FKBP2: variants seen among roughly 807,000 people sequenced by gnomAD.
The protein encoded by FKBP2 is FKBP prolyl isomerase 2, also known as peptidyl-prolyl cis-trans isomerase FKBP2.
FKBP2 carries 15 observed loss-of-function variants against 19.4 expected under a neutral mutation model. That is an observed-to-expected ratio of 0.77 (90% confidence interval 0.52 to 1.19). The LOEUF (loss-of-function observed/expected upper bound fraction) is 1.19. Ranked by LOEUF, FKBP2 falls within the 50% of genes most tolerant of loss-of-function variation. FKBP2 has a pLI of 0.00. For missense variants in FKBP2, 170 were observed against 179.0 expected (o/e 0.95, Z 0.29); for synonymous variants, 76 against 74.8 (o/e 1.02, Z -0.08).
chr11:64,242,284 A>G (rs1482034379), intron 1 of FKBP2, 100 bp from the exon 2 acceptor site: 23 of 1,197,214 alleles, frequency 1.9e-5, no homozygotes, highest in Non-Finnish European at 2.5e-5. Flanking sequence ...GGGGCAAGGA[A>G]GATACAGTGG....
chr11:64,241,602 G>T, intron 1 of FKBP2: 1 of 152,780 alleles, frequency 6.5e-6, no homozygotes, highest in Non-Finnish European at 1.5e-5. Flanking sequence ...GCAGGCCCGG[G>T]GGCGGTACCG....
At position 64,243,842 on chromosome 11, in the gene FKBP2, G is replaced by GA; in HGVS notation, c.333_334insA (p.Tyr112IlefsTer30). On this transcript the variant is annotated frameshift_variant and splice_region_variant, in exon 5 of 6. Transcript: ENST00000309366. LOFTEE classifies it high-confidence loss of function. ...TGTTTCTTTGTGCATCTTCAACAGG[G>GA]TATGGAGAGCGGGGAGCTCCCCCAA... 4 of 1,614,142 alleles carry GA rather than the reference G, an allele frequency of 2.5e-6. No homozygotes were observed. The highest frequency in any genetic ancestry group is 3.4e-6 in the Non-Finnish European group (4 of 1,180,002).
At chr11:64,242,678 T>C in intron 2 of FKBP2, 120 bp downstream of exon 2, 1 of 1,096,050 alleles carries the variant, frequency 9.1e-7, no homozygotes, top group Non-Finnish European at 1.3e-6. Context: ...CTCTCGCCTC[T>C]AAGCCAGTTT....
chr11:64,243,566 C>G, intron 4 of FKBP2, 69 bp downstream of exon 4: 1 of 1,577,504 alleles, frequency 6.3e-7, no homozygotes, highest in Non-Finnish European at 8.7e-7. Flanking sequence ...AAAGCTGCTT[C>G]AGCTTTTCAT....
chr11:64,243,773 C>G, intron 4 of FKBP2, 68 bp from the exon 5 acceptor site: 1 of 1,588,274 alleles, frequency 6.3e-7, no homozygotes, highest in African/African-American at 1.3e-5. Flanking sequence ...GGGCGGAACA[C>G]TCTCCCTTTG....
At chr11:64,242,273 C>T in intron 1 of FKBP2, 111 bp from the exon 2 acceptor site, 2 of 1,108,966 alleles carry the variant, frequency 1.8e-6, no homozygotes, top group Non-Finnish European at 2.4e-6. Context: ...GGGGATCCCC[C>T]GGGGCAAGGA....
At chr11:64,243,664 G>A in intron 4 of FKBP2, 167 bp downstream of exon 4, 1 of 1,150,168 alleles carries the variant, frequency 8.7e-7, no homozygotes. Flanking sequence ...GATCATTGAA[G>A]CACTCAGCTG....
chr11:64,241,670 C>T (rs1037823282), intron 1 of FKBP2: 10 of 152,178 alleles, frequency 6.6e-5, no homozygotes, highest in African/African-American at 1.9e-4. Flanking sequence ...GAGTAATGGC[C>T]CCGGGCGTCC....
intron 1 of FKBP2, 152 bp from the exon 2 acceptor site, chr11:64,242,232 C>A: frequency 1.4e-6 from 1 of 710,324 alleles, no homozygotes; most frequent in Non-Finnish European, 2.1e-6. Flanking sequence ...GGCCCCGGAG[C>A]CCGGGGGAGA....
chr11:64,242,097 G>A, intron 1 of FKBP2: 1 of 351,684 alleles, frequency 2.8e-6, no homozygotes, highest in Non-Finnish European at 5.2e-6. Flanking sequence ...GTGGGGACTG[G>A]GAGGGAGGGA....
chr11:64,243,011 G>T (rs2030634500), intron 2 of FKBP2, among the ~76,000 whole-genome samples, 188 bp from the exon 3 acceptor site: 1 of 152,220 alleles, frequency 6.6e-6, no homozygotes, highest in Admixed American at 6.5e-5. Flanking sequence ...GGCAGAGGCT[G>T]CAGGGAGGCG....
In FKBP2 at chr11:64,242,619, T is replaced by G. The variant is rs1054136267; in HGVS notation, c.171+61T>G. The G allele has an allele frequency of 7.4e-6, 11 of 1,486,800 alleles. No homozygotes were observed. In the African/African-American group the frequency reaches 1.6e-4, roughly 22 times the overall value. The allele number at this position is 1,486,800 out of a possible 1,614,324, so 92.1% of individuals were successfully genotyped here. A position where few individuals can be genotyped will look rare whatever the true frequency, so the allele number is the denominator to read the frequency against. Reference sequence around the variant, plus strand: ...GGGCTTCCGAGGACCAGAGAGTGCTTGGGAGTCTGGTTCTCCATAAGCCAG... The same window carrying G: ...GGGCTTCCGAGGACCAGAGAGTGCTGGGGAGTCTGGTTCTCCATAAGCCAG... On this transcript the variant is annotated intron_variant, in intron 2 of 5. Coordinates refer to ENST00000309366, the MANE Select transcript of FKBP2 (RefSeq NM_004470.4).
Position 64,244,071 on chromosome 11 carries a change from C to G in FKBP2, c.*42C>G. On this transcript the variant is annotated 3_prime_UTR_variant, in exon 6 of 6. Coordinates refer to ENST00000309366, the MANE Select transcript of FKBP2 (RefSeq NM_004470.4). ...CAGGGGGAGAGGCCCCCATCAGGGA[C>G]CAGACTGTTCCAAAAAAAAAACAAA... 6.4e-7 allele frequency: 1 copy of G among 1,572,656 alleles called. No homozygotes were observed. The highest frequency in any genetic ancestry group is 1.2e-5 in the South Asian group (1 of 86,942).
At chr11:64,241,434 C>G (rs1233786995) in intron 1 of FKBP2, among the ~76,000 whole-genome samples, 1 of 151,698 alleles carries the variant, frequency 6.6e-6, no homozygotes, top group Admixed American at 6.6e-5. Context: ...GGGGACGGAG[C>G]CTGGCTCTTG....
At position 64,242,530 on chromosome 11, in the gene FKBP2, A is replaced by G. The variant is rs1331074592; in HGVS notation, c.143A>G (p.Lys48Arg). 3.9e-6 allele frequency: 6 copies of G among 1,553,062 alleles called. No individual in the cohort carries two copies. The highest frequency in any genetic ancestry group is 4.3e-6 in the Non-Finnish European group (5 of 1,155,832). Residue 48 changes from lysine (K) to arginine (R), a missense_variant, in exon 2 of 6, where the codon AAA (lysine) becomes AGA (arginine). Coordinates refer to ENST00000309366, the MANE Select transcript of FKBP2 (RefSeq NM_004470.4). Reference protein sequence around the residue: ...RVDHCPIKSRKGDVLHMHYTG... With the variant: ...RVDHCPIKSRRGDVLHMHYTG... ...GACCACTGTCCCATCAAATCGCGCA[A>G]AGGGGATGTCCTGCACATGCACTAC...
chr11:64,243,891 G>C lies in FKBP2; in HGVS notation c.367+15G>C. Reference sequence around the variant, plus strand: ...AAAGATTCCAGGTAGTAAACCTTTTGATACCTCCCATCACCTGCAGCCAGC... The same window carrying C: ...AAAGATTCCAGGTAGTAAACCTTTTCATACCTCCCATCACCTGCAGCCAGC... On this transcript the variant is annotated intron_variant, in intron 5 of 5. Coordinates refer to ENST00000309366, the MANE Select transcript of FKBP2 (RefSeq NM_004470.4). The C allele has an allele frequency of 6.2e-7, 1 of 1,614,056 alleles. No individual in the cohort carries two copies. Among genetic ancestry groups the C allele is most frequent in the Non-Finnish European group, 8.5e-7 (1 of 1,179,964 alleles).
rs3177399 is a variant in FKBP2 at position 64,244,130 on chromosome 11, C to A, written c.*101C>A. 2.3e-6 allele frequency: 3 copies of A among 1,319,224 alleles called. No homozygotes were observed. The highest frequency in any genetic ancestry group is 3.4e-5 in the African/African-American group (2 of 58,700). 81.7% of individuals were successfully genotyped at this position (1,319,224 alleles called of 1,614,324 possible). A position where few individuals can be genotyped will look rare whatever the true frequency, so the allele number is the denominator to read the frequency against. On this transcript the variant is annotated 3_prime_UTR_variant, in exon 6 of 6. Coordinates refer to ENST00000309366, the MANE Select transcript of FKBP2 (RefSeq NM_004470.4). ...ACAAACAAAAAAACACTTAAAAGCC[C>A]AAGGAGTAAGCCTGTGTGTGTTTGT...
rs1429628215 is a variant in FKBP2 at position 64,243,721 on chromosome 11, A to G, written c.332-120A>G. 1.7e-5 allele frequency: 24 copies of G among 1,411,652 alleles called. No individual in the cohort carries two copies. In the Admixed American group the frequency reaches 4.0e-4, roughly 23 times the overall value. The allele number at this position is 1,411,652 out of a possible 1,614,324, so 87.4% of individuals were successfully genotyped here. On this transcript the variant is annotated intron_variant, in intron 4 of 5. Coordinates refer to ENST00000309366, the MANE Select transcript of FKBP2 (RefSeq NM_004470.4). ...GCCAGGCCTTTGGCACCCCCTTCCCATCTCCATTACCCTTCTCCATTTCTG... is the reference window on the plus strand; with the variant it reads ...GCCAGGCCTTTGGCACCCCCTTCCCGTCTCCATTACCCTTCTCCATTTCTG...
intron 1 of FKBP2, chr11:64,242,109 G>T: frequency 2.6e-6 from 1 of 377,592 alleles, no homozygotes; most frequent in Non-Finnish European, 4.8e-6. Flanking sequence ...AGGGAGGGAA[G>T]GTATGGGGGT....
Sources: gnomAD v4.1 joint callset for allele counts (sites outside exome capture counted in the v4.1 genomes callset) on GRCh38, gnomAD v4.1.1 for gene constraint, MANE v1.5 for transcripts, NCBI Gene and HGNC (gene_info 2026-07-23, HGNC 2026-07-21) for gene names.